Variants in ZNFX1 observed in about 807,000 individuals in gnomAD.
ZNFX1 encodes NFX1-type zinc finger-containing protein 1.
In ZNFX1, 78 loss-of-function variants were observed where a neutral mutation model predicts 179.8. The observed-to-expected ratio is 0.43, with a 90% CI of 0.36 to 0.52. The LOEUF (loss-of-function observed/expected upper bound fraction) is 0.52. ZNFX1 is among the 20% of genes least tolerant of loss of function. The pLI, the probability that ZNFX1 is intolerant of heterozygous loss-of-function variation, is 0.00. For synonymous variants in ZNFX1, 848 were observed against 868.5 expected, an observed-to-expected ratio of 0.98 and a Z score of 0.42; for missense variants, 1,927 against 2,386.6, an observed-to-expected ratio of 0.81 and a Z score of 4.01.
At chr20:49,256,104 G>T in intron 8 of ZNFX1, 157 bp from the exon 9 acceptor site, 3 of 922,732 alleles carry the variant, frequency 3.3e-6, no homozygotes, top group Non-Finnish European at 4.7e-6. Context: ...CTGTAGAGTG[G>T]CTAAACAAGG....
Position 49,265,805 on chromosome 20 carries a change from ATGAGTAGGGCCAGGT to A in ZNFX1, c.2002+315_2002+329del, listed in dbSNP as rs546461455. Among the ~76,000 whole-genome samples, 21 of 152,314 alleles carry A rather than the reference ATGAGTAGGGCCAGGT, an allele frequency of 1.4e-4. No individual in the cohort carries two copies. In the East Asian group the frequency reaches 3.1e-3, roughly 22 times the overall value. On this transcript the variant is annotated intron_variant, in intron 4 of 13. Coordinates refer to ENST00000396105, the MANE Select transcript of ZNFX1 (RefSeq NM_021035.3). ...AGAGATTTAAAGTGGGACCAGAAGAATGAGTAGGGCCAGGTTGAGTAGGGCCAGGTTGAATAAGCT... is the reference window on the plus strand; with the variant it reads ...AGAGATTTAAAGTGGGACCAGAAGAATGAGTAGGGCCAGGTTGAATAAGCT...
rs1374625111 is a variant in ZNFX1 at position 49,255,872 on chromosome 20, C to T, written c.2740G>A (p.Ala914Thr). The T allele has an allele frequency of 6.2e-7, 1 of 1,614,148 alleles. No individual in the cohort carries two copies. Among genetic ancestry groups the T allele is most frequent in the Non-Finnish European group, 8.5e-7 (1 of 1,180,008 alleles). The change falls in exon 9 of 14, where the codon GCC becomes ACC. Residue 914 changes from alanine (A) to threonine (T), a missense_variant. Physicochemically the swap from Ala to Thr is moderately conservative, Grantham distance 58. Coordinates refer to ENST00000396105, the MANE Select transcript of ZNFX1 (RefSeq NM_021035.3). ...ELRKLNTMTA[A>T]EANEIEDVWQ... is the part of the protein sequence containing the mutation. ...ACATCCTCGATCTCGTTGGCCTCGG[C>T]TGCAGTCATGGTGTTCAGTTTGCGA...
At chr20:49,266,329 G>T in intron 3 of ZNFX1, 63 bp from the exon 4 acceptor site, 1 of 1,455,664 alleles carries the variant, frequency 6.9e-7, no homozygotes, top group South Asian at 1.4e-5. Flanking sequence ...TAATTACTCA[G>T]AGCAAAATCT....
At chr20:49,269,445 G>C (rs1480667361) in intron 3 of ZNFX1, among the ~76,000 whole-genome samples, 2 of 152,210 alleles carry the variant, frequency 1.3e-5, no homozygotes, top group Non-Finnish European at 2.9e-5. Context: ...ACTTTGGGAG[G>C]CCAAGGCAGG....
chr20:49,254,720 G>A (rs1010859110), intron 9 of ZNFX1, 71 bp from the exon 10 acceptor site: 13 of 1,539,352 alleles, frequency 8.4e-6, no homozygotes, highest in Non-Finnish European at 1.2e-5. Context: ...GCCCTTCAGT[G>A]TGCCCAGTGT....
At position 49,247,147 on chromosome 20, in the gene ZNFX1, G is replaced by GT; in HGVS notation, c.*119dup. The GT allele has an allele frequency of 7.2e-7, 1 of 1,387,422 alleles. No homozygotes were observed. The highest frequency in any genetic ancestry group is 9.7e-7 in the Non-Finnish European group (1 of 1,028,578). 85.9% of individuals were successfully genotyped at this position (1,387,422 alleles called of 1,614,324 possible). A position where few individuals can be genotyped will look rare whatever the true frequency, so the allele number is the denominator to read the frequency against. On this transcript the variant is annotated 3_prime_UTR_variant, in exon 14 of 14. Coordinates refer to ENST00000396105, the MANE Select transcript of ZNFX1 (RefSeq NM_021035.3). ...CTCCCAAAGTGCTGGGATTACAGGC[G>GT]TAAGCCACTGCGCCCAGCCTAAAAA...
At chr20:49,275,086 G>A (rs535322020) in intron 2 of ZNFX1, among the ~76,000 whole-genome samples, 1 of 151,666 alleles carries the variant, frequency 6.6e-6, no homozygotes, top group South Asian at 2.1e-4. Flanking sequence ...TCGCGCCACT[G>A]CACTCCAGCC....
In ZNFX1 at chr20:49,246,026, G is replaced by T. The variant is rs1473787912; in HGVS notation, c.*1241C>A. On this transcript the variant is annotated 3_prime_UTR_variant, in exon 14 of 14. Coordinates refer to ENST00000396105, the MANE Select transcript of ZNFX1 (RefSeq NM_021035.3). ...TGAGATACCTAAATGTCTGTTCTAA[G>T]GAACACTGGAAGGAGGGAATGCAGA... is the stretch of plus-strand genomic sequence containing the variant. The T allele has an allele frequency of 1.3e-5, 2 of 152,604 alleles. No individual in the cohort carries two copies. The highest frequency in any genetic ancestry group is 2.9e-5 in the Non-Finnish European group (2 of 68,038). The allele number at this position is 152,604 out of a possible 1,614,324, so 9.5% of individuals were successfully genotyped here.
chr20:49,270,601 T>G lies in ZNFX1; in HGVS notation c.1211A>C (p.Lys404Thr). 1 of 1,614,192 alleles carries G rather than the reference T, an allele frequency of 6.2e-7. No individual in the cohort carries two copies. Among genetic ancestry groups the G allele is most frequent in the Non-Finnish European group, 8.5e-7 (1 of 1,180,032 alleles). ...SFEDQGLRKR[K>T]FDDIRIYFDT... ...AAAGTAGATTCGGATGTCATCAAAC[T>G]TTCTCTTCCTCAGGCCCTGGTCTTC... Residue 404 changes from lysine to threonine, a missense_variant, in exon 3 of 14, where the codon AAG becomes ACG. By Grantham distance (78) the Lys-to-Thr change is moderately conservative. Coordinates refer to ENST00000396105, the MANE Select transcript of ZNFX1 (RefSeq NM_021035.3). The surrounding 1 kb of genome is among the most constrained non-coding windows in gnomAD (Gnocchi z 4.6).
At position 49,254,620 on chromosome 20, in the gene ZNFX1, G is replaced by C; in HGVS notation, c.2834C>G (p.Thr945Ser). The C allele has an allele frequency of 1.2e-6, 2 of 1,614,132 alleles. No homozygotes were observed. Among genetic ancestry groups the C allele is most frequent in the Non-Finnish European group, 1.7e-6 (2 of 1,180,040 alleles). The part of the protein sequence containing the change: ...RLWLQLYQAD[T>S]RRKILSYERQ... ...TTCATAGCTGAGGATCTTCCGGCGG[G>C]TGTCAGCCTGGTACAACTGTAGCCA... The change falls in exon 10 of 14, where the codon ACC becomes AGC. Residue 945 changes from threonine to serine, a missense_variant. Transcript: ENST00000396105.
chr20:49,256,103 G>C, intron 8 of ZNFX1, 156 bp from the exon 9 acceptor site: 1 of 921,108 alleles, frequency 1.1e-6, no homozygotes, highest in Non-Finnish European at 1.6e-6. Flanking sequence ...ACTGTAGAGT[G>C]GCTAAACAAG....
chr20:49,277,323 G>C (rs1383923079), intron 1 of ZNFX1, among the ~76,000 whole-genome samples: 8 of 151,470 alleles, frequency 5.3e-5, no homozygotes, highest in Non-Finnish European at 8.8e-5. Context: ...GTCAGGGAGC[G>C]CCAAGGCTGT....
rs189200556 is a variant in ZNFX1, at chr20:49,275,602, C to T, written c.61+177G>A. On this transcript the variant is annotated intron_variant, in intron 2 of 13. Transcript: ENST00000396105. ...AATCCCCTGGGCGTAAACAATCCTC[C>T]CGCCTCAGGCTCCCAAAATGCTAGG... is the stretch of plus-strand genomic sequence containing the variant. Among the ~76,000 whole-genome samples the T allele has an allele frequency of 5.9e-5, 9 of 152,288 alleles. No homozygotes were observed. The East Asian group carries it at 1.7e-3, about 29-fold the overall frequency.
At chr20:49,265,228 T>G (rs901807531) in intron 4 of ZNFX1, among the ~76,000 whole-genome samples, 1 of 152,178 alleles carries the variant, frequency 6.6e-6, no homozygotes, top group African/African-American at 2.4e-5. Context: ...AAGAAAATCT[T>G]TAAAGCTCCT....
chr20:49,265,176 A>T (rs1330602079), intron 4 of ZNFX1, among the ~76,000 whole-genome samples: 1 of 152,200 alleles, frequency 6.6e-6, no homozygotes, highest in African/African-American at 2.4e-5. Flanking sequence ...TGATTTAGAG[A>T]TGGCAATATC....
At chr20:49,249,802 G>A (rs1600984141) in intron 13 of ZNFX1, 91 bp from the exon 14 acceptor site, 2 of 1,389,462 alleles carry the variant, frequency 1.4e-6, no homozygotes, top group Non-Finnish European at 2.0e-6. Flanking sequence ...CACTTACTCT[G>A]CTCCAGAGAG....
At chr20:49,273,607 G>A (rs998893240) in intron 2 of ZNFX1, among the ~76,000 whole-genome samples, 1 of 152,168 alleles carries the variant, frequency 6.6e-6, no homozygotes. Flanking sequence ...TGTCTTGGAA[G>A]AATGGAAAAT....
At chr20:49,251,425 G>T in intron 13 of ZNFX1, 102 bp downstream of exon 13, 1 of 999,932 alleles carries the variant, frequency 1.0e-6, no homozygotes, top group South Asian at 1.4e-5. Context: ...ACAGGTGTGA[G>T]CCACCGCGCC....
Position 49,246,699 on chromosome 20 carries a change from A to G in ZNFX1, c.*568T>C. 2.7e-6 allele frequency: 1 copy of G among 371,128 alleles called. No individual in the cohort carries two copies. The highest frequency in any genetic ancestry group is 5.3e-6 in the Non-Finnish European group (1 of 189,302). The allele number at this position is 371,128 out of a possible 1,614,324, so 23.0% of individuals were successfully genotyped here. A position where few individuals can be genotyped will look rare whatever the true frequency, so the allele number is the denominator to read the frequency against. ...GTGGCCCTAGGTGGAAGCCCCAAAC[A>G]TGTTCCAGGGAGTCTGTCCACTAAT... On this transcript the variant is annotated 3_prime_UTR_variant, in exon 14 of 14. Transcript: ENST00000396105.
Sources: gnomAD v4.1 joint callset for allele counts (sites outside exome capture counted in the v4.1 genomes callset) on GRCh38, gnomAD v4.1.1 for gene constraint, Gnocchi (gnomAD v3.1) non-coding constraint, MANE v1.5 for transcripts, NCBI Gene and HGNC (gene_info 2026-07-23, HGNC 2026-07-21) for gene names.